The following KALRN variants were observed in gnomAD, a reference collection of about 807,000 sequenced individuals.
KALRN encodes the protein kalirin RhoGEF kinase, also known as kalirin.
KALRN carries 70 observed loss-of-function variants against 353.7 expected under a neutral mutation model. The ratio of observed to expected loss-of-function variants is 0.20; its 90% CI spans 0.16 to 0.24. KALRN has a LOEUF of 0.24. Ranked by LOEUF, KALRN falls within the 10% of genes least tolerant of loss-of-function variation. The pLI, the probability that KALRN is intolerant of heterozygous loss-of-function variation, is 1.00. For missense variants in KALRN, 2,791 were observed against 3,756.7 expected, an observed-to-expected ratio of 0.74 and a Z score of 6.72; for synonymous variants, 1,391 against 1,434.8, an observed-to-expected ratio of 0.97 and a Z score of 0.69.
At chr3:124,589,434 A>C (rs1429956911) in intron 34 of KALRN, among the ~76,000 whole-genome samples, 1 of 152,144 alleles carries the variant, frequency 6.6e-6, no homozygotes, top group Admixed American at 6.5e-5. Context: ...CATCTCTACA[A>C]ATTAAAATAT....
rs750398446 is a variant in KALRN at position 124,326,098 on chromosome 3, G to A, written c.1211G>A (p.Ser404Asn). Residue 404 changes from serine (S) to asparagine (N), a missense_variant, in exon 7 of 60, where the codon AGC becomes AAC. Coordinates refer to ENST00000682506, the MANE Select transcript of KALRN (RefSeq NM_001388419.1). ...ISTQLDQEWKSFAAALDERST... is the reference protein window; with the variant it reads ...ISTQLDQEWKNFAAALDERST... ...ACCCAGCTGGACCAGGAGTGGAAGA[G>A]CTTCGCTGCTGCCCTGGATGAACGC... 1 of 1,613,944 alleles carries A rather than the reference G, an allele frequency of 6.2e-7. No homozygotes were observed. Among genetic ancestry groups the A allele is most frequent in the Non-Finnish European group, 8.5e-7 (1 of 1,179,904 alleles).
intron 32 of KALRN, among the ~76,000 whole-genome samples, chr3:124,493,972 G>A (rs1383400591): frequency 6.6e-6 from 1 of 152,232 alleles, no homozygotes; most frequent in Non-Finnish European, 1.5e-5. Context: ...GACAGGCCAT[G>A]CCTCAGGGAA....
At chr3:124,411,591 G>GCCA (rs2092164528) in intron 13 of KALRN, among the ~76,000 whole-genome samples, 1 of 151,616 alleles carries the variant, frequency 6.6e-6, no homozygotes, top group Non-Finnish European at 1.5e-5. Flanking sequence ...ACAGGTGCAT[G>GCCA]CCACCATGCC....
chr3:124,697,360 T>A (rs1424336902), intron 54 of KALRN, among the ~76,000 whole-genome samples: 2 of 152,224 alleles, frequency 1.3e-5, no homozygotes, highest in Non-Finnish European at 2.9e-5. Context: ...GTTAGTTCCC[T>A]GGCCAAGCTT....
rs185291248 is a variant in KALRN, at chr3:124,343,747, T to C, written c.1648-3396T>C. 1.7e-4 allele frequency among the ~76,000 whole-genome samples: 26 copies of C among 152,358 alleles called. No individual in the cohort carries two copies. In the East Asian group the frequency reaches 5.0e-3, roughly 29 times the overall value. On this transcript the variant is annotated intron_variant, in intron 9 of 59. Transcript: ENST00000682506. ...TCCCCAGAGAAGATGCGTTTGGCTG[T>C]TGACACTTTTCACCTTTGCAATGAA... is the stretch of plus-strand genomic sequence containing the variant.
chr3:124,597,050 A>G (rs1015339146), intron 34 of KALRN, among the ~76,000 whole-genome samples: 8 of 142,218 alleles, frequency 5.6e-5, no homozygotes, highest in Non-Finnish European at 1.2e-4. Context: ...TCTGTCTTAA[A>G]AAAAAACAAA....
chr3:124,223,016 G>A (rs1183679582), intron 1 of KALRN, among the ~76,000 whole-genome samples: 4 of 151,626 alleles, frequency 2.6e-5, no homozygotes, highest in Non-Finnish European at 4.4e-5. Context: ...TATTACCTTG[G>A]GTACCAAGGC....
intron 1 of KALRN, among the ~76,000 whole-genome samples, chr3:124,203,783 G>T (rs1363196353): frequency 6.6e-6 from 1 of 152,122 alleles, no homozygotes; most frequent in African/African-American, 2.4e-5. Context: ...CCCTCCAAAG[G>T]TAGCTAACAA....
chr3:124,318,575 T>C (rs746808693), intron 6 of KALRN, among the ~76,000 whole-genome samples: 11 of 152,216 alleles, frequency 7.2e-5, no homozygotes, highest in African/African-American at 2.7e-4. Context: ...AAGTAATACA[T>C]ATGGTGTTAT....
intron 3 of KALRN, among the ~76,000 whole-genome samples, 198 bp downstream of exon 3, chr3:124,235,141 G>T (rs1489449467): frequency 6.6e-6 from 1 of 152,166 alleles, no homozygotes; most frequent in East Asian, 1.9e-4. Context: ...AATGGGGTGG[G>T]AGCTGGAAGT....
chr3:124,115,501 C>A (rs527904741), intron 1 of KALRN, among the ~76,000 whole-genome samples: 1 of 152,296 alleles, frequency 6.6e-6, no homozygotes, highest in East Asian at 1.9e-4. Context: ...AGATTAGCAG[C>A]TAGCTCTATG....
chr3:124,636,884 T>C (rs1263213188), intron 36 of KALRN, among the ~76,000 whole-genome samples: 2 of 152,130 alleles, frequency 1.3e-5, no homozygotes, highest in Admixed American at 1.3e-4. Flanking sequence ...GCCCCCGCCC[T>C]CCAAGCTGTT....
chr3:124,696,960 G>A (rs750347958), intron 54 of KALRN, among the ~76,000 whole-genome samples: 19 of 151,912 alleles, frequency 1.3e-4, no homozygotes, highest in Non-Finnish European at 2.5e-4. Flanking sequence ...TTGCTCTGTC[G>A]CTCAGGCTGG....
chr3:124,424,152 C>T (rs2092911365), intron 15 of KALRN, among the ~76,000 whole-genome samples: 1 of 152,172 alleles, frequency 6.6e-6, no homozygotes, highest in East Asian at 1.9e-4. Context: ...CTCCACAGGT[C>T]CCGGGGGGGT....
At chr3:124,289,050 G>C (rs931030980) in intron 5 of KALRN, among the ~76,000 whole-genome samples, 4 of 152,178 alleles carry the variant, frequency 2.6e-5, no homozygotes, top group Admixed American at 6.5e-5. Flanking sequence ...AAGTCCAAGA[G>C]CTTATAGCAT....
chr3:124,239,721 C>T (rs895062), intron 3 of KALRN, among the ~76,000 whole-genome samples: 1 of 152,114 alleles, frequency 6.6e-6, no homozygotes, highest in African/African-American at 2.4e-5. Flanking sequence ...AGGAAGACAG[C>T]TGAAAGAAGA....
At chr3:124,452,328 T>G (rs915907844) in intron 21 of KALRN, among the ~76,000 whole-genome samples, 5 of 152,346 alleles carry the variant, frequency 3.3e-5, no homozygotes. Context: ...CATTCATTCA[T>G]TCAGTCAACA....
chr3:124,715,799 A>G (rs2063108929), intron 58 of KALRN, among the ~76,000 whole-genome samples: 1 of 152,206 alleles, frequency 6.6e-6, no homozygotes, highest in South Asian at 2.1e-4. Flanking sequence ...ACACTAAAGA[A>G]TACCTGACAT....
intron 51 of KALRN, among the ~76,000 whole-genome samples, chr3:124,686,182 C>T (rs1233997383): frequency 6.6e-6 from 1 of 152,212 alleles, no homozygotes; most frequent in African/African-American, 2.4e-5. Context: ...ATTAATCCTG[C>T]CTGGAGCCAT....
Sources: gnomAD v4.1 joint callset for allele counts (sites outside exome capture counted in the v4.1 genomes callset) on GRCh38, gnomAD v4.1.1 for gene constraint, MANE v1.5 for transcripts, NCBI Gene and HGNC (gene_info 2026-07-23, HGNC 2026-07-21) for gene names.